DEPDC1: variants seen among roughly 807,000 people sequenced by gnomAD.
DEPDC1 encodes the protein DEP domain-containing protein 1A.
DEPDC1 carries 66 observed loss-of-function variants against 86.8 expected under a neutral mutation model. The ratio of observed to expected loss-of-function variants is 0.76; its 90% CI spans 0.62 to 0.93. The LOEUF is 0.93. DEPDC1 is among the 40% of genes least tolerant of loss of function. DEPDC1 has a pLI of 0.00. For missense variants in DEPDC1, 792 were observed against 935.7 expected (o/e 0.85, Z 2.00); for synonymous variants, 255 against 314.9 (o/e 0.81, Z 2.02).
At position 68,477,200 on chromosome 1, in the gene DEPDC1, T is replaced by G. The variant is rs1646122256; in HGVS notation, c.2299-131A>C. ...TAGAGATTAGTATCCTTTCATTTTATCCTTGCCTTTCCCTCTCTCTTCTCA... is the reference window on the plus strand; with the variant it reads ...TAGAGATTAGTATCCTTTCATTTTAGCCTTGCCTTTCCCTCTCTCTTCTCA... On this transcript the variant is annotated intron_variant, in intron 11 of 11. Transcript: ENST00000456315. 8 of 636,430 alleles carry G rather than the reference T, an allele frequency of 1.3e-5. No individual in the cohort carries two copies. The East Asian group carries it at 2.4e-4, about 19-fold the overall frequency. 39.4% of individuals were successfully genotyped at this position (636,430 alleles called of 1,614,324 possible).
At chr1:68,485,267 A>T (rs1271698978) in intron 6 of DEPDC1, among the ~76,000 whole-genome samples, 1 of 152,050 alleles carries the variant, frequency 6.6e-6, no homozygotes, top group Non-Finnish European at 1.5e-5. Context: ...TTTGATAATC[A>T]TTAGAAAGTT....
intron 7 of DEPDC1, chr1:68,483,130 A>T: frequency 1.8e-6 from 1 of 556,296 alleles, no homozygotes; most frequent in Non-Finnish European, 3.2e-6. Context: ...ACTTTAAAAA[A>T]TTATTTCAAC....
intron 8 of DEPDC1, 120 bp from the exon 9 acceptor site, chr1:68,481,732 T>C: frequency 2.4e-6 from 2 of 828,172 alleles, no homozygotes; most frequent in Non-Finnish European, 3.5e-6. Flanking sequence ...CTTTTAACTA[T>C]TTCTAGAAAT....
intron 7 of DEPDC1, chr1:68,483,299 A>T (rs1228658609): frequency 1.9e-6 from 1 of 520,218 alleles, no homozygotes; most frequent in Admixed American, 1.9e-5. Flanking sequence ...AAAATCCTTG[A>T]AATTTCCTGA....
chr1:68,488,214 T>C (rs1646205482), intron 5 of DEPDC1, among the ~76,000 whole-genome samples, 160 bp downstream of exon 5: 1 of 151,906 alleles, frequency 6.6e-6, no homozygotes, highest in Admixed American at 6.6e-5. Flanking sequence ...TAATACTCAC[T>C]TAAAAATTAT....
intron 9 of DEPDC1, among the ~76,000 whole-genome samples, chr1:68,480,376 G>A (rs942683461): frequency 4.6e-5 from 7 of 151,676 alleles, no homozygotes; most frequent in African/African-American, 1.7e-4. Flanking sequence ...TACATTTTTA[G>A]TTTTATTCCT....
intron 2 of DEPDC1, among the ~76,000 whole-genome samples, chr1:68,491,885 G>C (rs1455958994): frequency 6.6e-6 from 1 of 151,118 alleles, no homozygotes; most frequent in Non-Finnish European, 1.5e-5. Flanking sequence ...AAGTAGATGA[G>C]ACCACAGGCA....
Position 68,497,082 on chromosome 1 carries a change from C to T in DEPDC1, c.-83G>A. The T allele has an allele frequency of 3.4e-6, 5 of 1,485,122 alleles. No homozygotes were observed. The highest frequency in any genetic ancestry group is 4.7e-6 in the Non-Finnish European group (5 of 1,072,056). 92.0% of individuals were successfully genotyped at this position (1,485,122 alleles called of 1,614,324 possible). A position where few individuals can be genotyped will look rare whatever the true frequency, so the allele number is the denominator to read the frequency against. On this transcript the variant is annotated 5_prime_UTR_variant, in exon 1 of 12. It adds an upstream start codon to the 5' untranslated region. Transcript: ENST00000456315. ...GCCGCGGCAGTGGCGAGTCTCGGCA[C>T]AACCGTTGGCCCCGCCGCCGATTTG...
chr1:68,489,405 A>T (rs1646214487), intron 3 of DEPDC1, 47 bp downstream of exon 3: 7 of 1,264,472 alleles, frequency 5.5e-6, no homozygotes, highest in Non-Finnish European at 7.4e-6. Flanking sequence ...ATCATTGAGT[A>T]CATCATAATT....
rs1646108713 is a variant in DEPDC1, at chr1:68,475,413, C to T, written c.*1519G>A. 1 of 151,656 alleles carries T rather than the reference C, an allele frequency of 6.6e-6. No homozygotes were observed. The allele number at this position is 151,656 out of a possible 1,614,324, so 9.4% of individuals were successfully genotyped here. A position where few individuals can be genotyped will look rare whatever the true frequency, so the allele number is the denominator to read the frequency against. On this transcript the variant is annotated 3_prime_UTR_variant, in exon 12 of 12. Coordinates refer to ENST00000456315, the MANE Select transcript of DEPDC1 (RefSeq NM_001114120.3). ...CAATAAACGTTTTAGTATTCAAATG[C>T]CTTAGAAAGAATTCATTTTGGTTCA... is the stretch of plus-strand genomic sequence containing the variant.
In DEPDC1 at chr1:68,477,819, G is replaced by T. The variant is rs367750399; in HGVS notation, c.2266C>A (p.Pro756Thr). 1 of 1,544,826 alleles carries T rather than the reference G, an allele frequency of 6.5e-7. No individual in the cohort carries two copies. The highest frequency in any genetic ancestry group is 1.4e-5 in the African/African-American group (1 of 72,432). ...LENIIKNRSL[P>T]LKEKRKKLKQ... ...AGTTTTTTTCTTTTCTCCTTTAGAG[G>T]TAAACTCCTGTTTTTAATAATATTT... Residue 756 changes from proline to threonine, a missense_variant, in exon 11 of 12, where the codon CCT (proline) becomes ACT (threonine). Pro to Thr is a conservative substitution (Grantham distance 38). Transcript: ENST00000456315.
At position 68,489,536 on chromosome 1, in the gene DEPDC1, G is replaced by A; in HGVS notation, c.387C>T (p.Asn129=). The A allele has an allele frequency of 1.9e-6, 3 of 1,543,562 alleles. No homozygotes were observed. The Middle Eastern group carries it at 5.2e-4, about 267-fold the overall frequency. The change falls in exon 3 of 12, where the codon AAC becomes AAT. Residue 129 remains asparagine, a synonymous_variant. Coordinates refer to ENST00000456315, the MANE Select transcript of DEPDC1 (RefSeq NM_001114120.3). Reference sequence around the variant, plus strand: ...AAATGCTATCTTTATCTTTGGAAAAGTTCTCTATGTTGTTTTTTCTCAATT... The same window carrying A: ...AAATGCTATCTTTATCTTTGGAAAAATTCTCTATGTTGTTTTTTCTCAATT... ...YPELRKNNIE[N]FSKDKDSIFK... is the part of the protein sequence containing the mutation.
At chr1:68,484,900 T>C (rs1646182942) in intron 6 of DEPDC1, among the ~76,000 whole-genome samples, 1 of 151,530 alleles carries the variant, frequency 6.6e-6, no homozygotes, top group African/African-American at 2.4e-5. Flanking sequence ...TTCCAAACAC[T>C]AACCTGAGAA....
In DEPDC1 at chr1:68,496,250, A is replaced by C. The variant is rs1646264127; in HGVS notation, c.48+702T>G. Among the ~76,000 whole-genome samples the C allele has an allele frequency of 6.6e-6, 1 of 152,206 alleles. No individual in the cohort carries two copies. The highest frequency in any genetic ancestry group is 1.5e-5 in the Non-Finnish European group (1 of 68,042). On this transcript the variant is annotated intron_variant, in intron 1 of 11. Coordinates refer to ENST00000456315, the MANE Select transcript of DEPDC1 (RefSeq NM_001114120.3). The surrounding 1 kb of genome is among the most constrained non-coding windows in gnomAD (Gnocchi z 4.0). Reference sequence around the variant, plus strand: ...ATCCTCCTGGGAAACCCCTTAAGGCAAGCATGTATTAGTAACCTTTACCAA... The same window carrying C: ...ATCCTCCTGGGAAACCCCTTAAGGCCAGCATGTATTAGTAACCTTTACCAA...
chr1:68,493,111 G>GA (rs1268857071), intron 2 of DEPDC1, among the ~76,000 whole-genome samples: 1 of 152,178 alleles, frequency 6.6e-6, no homozygotes, highest in African/African-American at 2.4e-5. Context: ...TTGAAGATGG[G>GA]AGAGTTAAAG....
At position 68,486,973 on chromosome 1, in the gene DEPDC1, G is replaced by A. The variant is rs766236415; in HGVS notation, c.733C>T (p.His245Tyr). The A allele has an allele frequency of 1.2e-6, 2 of 1,602,556 alleles. No individual in the cohort carries two copies. The highest frequency in any genetic ancestry group is 2.2e-5 in the South Asian group (2 of 88,900). Residue 245 changes from histidine to tyrosine, a missense_variant, in exon 6 of 12, where the codon CAC becomes TAC. His to Tyr is a moderately conservative substitution (Grantham distance 83). Transcript: ENST00000456315. ...CACTTCATGGCAGATAATACCCAGT[G>A]AGGGAGGTCATCTACACAAAAAGAA... The part of the protein sequence containing the change: ...ILQNKSDDLP[H>Y]WVLSAMKCLA...
In DEPDC1 at chr1:68,481,519, AG is replaced by A; in HGVS notation, c.1855del (p.Leu619PhefsTer2). 1 of 1,612,464 alleles carries A rather than the reference AG, an allele frequency of 6.2e-7. No individual in the cohort carries two copies. The highest frequency in any genetic ancestry group is 2.2e-5 in the East Asian group (1 of 44,832). On this transcript the variant is annotated frameshift_variant, in exon 9 of 12. Transcript: ENST00000456315. LOFTEE classifies it high-confidence loss of function. ...LPPPNRRKLQ[L>X]LMRMISRMSQ... ...CATTCGGGAAATCATACGCATTAAAAGTTGAAGCTTTCTACGATTTGGTGGG... is the reference window on the plus strand; with the variant it reads ...CATTCGGGAAATCATACGCATTAAAATTGAAGCTTTCTACGATTTGGTGGG...
chr1:68,480,206 T>C (rs940638574), intron 9 of DEPDC1, among the ~76,000 whole-genome samples: 5 of 150,022 alleles, frequency 3.3e-5, no homozygotes, highest in Admixed American at 6.7e-5. Context: ...CTCTCACTTA[T>C]TACTCTCGTT....
chr1:68,496,858 C>CGGAGGTAAAACTGCGAACGGT lies in DEPDC1; in HGVS notation c.48+93_48+94insACCGTTCGCAGTTTTACCTCC, dbSNP rs1646269384. On this transcript the variant is annotated intron_variant, in intron 1 of 11. Coordinates refer to ENST00000456315, the MANE Select transcript of DEPDC1 (RefSeq NM_001114120.3). This position sits in a 1 kb window ranked among gnomAD's most constrained non-coding sequence, Gnocchi z 4.0. ...GGGATCCTGGGACTCATCCCTCCGA[C>CGGAGGTAAAACTGCGAACGGT]CGAGGTAAAACTGCGAACGGTCGAG... 2.3e-6 allele frequency: 3 copies of CGGAGGTAAAACTGCGAACGGT among 1,285,356 alleles called. No individual in the cohort carries two copies. Among genetic ancestry groups the CGGAGGTAAAACTGCGAACGGT allele is most frequent in the Non-Finnish European group, 3.3e-6 (3 of 898,728 alleles). The allele number at this position is 1,285,356 out of a possible 1,614,324, so 79.6% of individuals were successfully genotyped here. A position where few individuals can be genotyped will look rare whatever the true frequency, so the allele number is the denominator to read the frequency against.
Sources: gnomAD v4.1 joint callset for allele counts (sites outside exome capture counted in the v4.1 genomes callset) on GRCh38, gnomAD v4.1.1 for gene constraint, Gnocchi (gnomAD v3.1) non-coding constraint, MANE v1.5 for transcripts, NCBI Gene and HGNC (gene_info 2026-07-23, HGNC 2026-07-21) for gene names.